The following MALT1 variants were observed in gnomAD, a reference collection of about 807,000 sequenced individuals.
The protein encoded by MALT1 is MALT1 paracaspase.
A neutral mutation model predicts 85.5 loss-of-function variants in MALT1; 36 were observed. The ratio of observed to expected loss-of-function variants is 0.42; its 90% CI spans 0.32 to 0.56. MALT1 has a LOEUF of 0.56. Ranked by LOEUF, MALT1 falls within the 20% of genes least tolerant of loss-of-function variation. MALT1 has a pLI of 0.10. For synonymous variants in MALT1, 359 were observed against 361.3 expected (o/e 0.99, Z 0.07); for missense variants, 716 against 981.6 (o/e 0.73, Z 3.62).
chr18:58,720,418 G>C (rs893300908), intron 9 of MALT1, among the ~76,000 whole-genome samples: 8 of 152,244 alleles, frequency 5.3e-5, no homozygotes, highest in African/African-American at 1.7e-4. Flanking sequence ...AAGTAGATTG[G>C]ACAGGTAAGA....
intron 8 of MALT1, 50 bp downstream of exon 8, chr18:58,714,159 A>G: frequency 1.0e-6 from 1 of 973,684 alleles, no homozygotes; most frequent in South Asian, 1.4e-5. Flanking sequence ...AAGTTGTTGA[A>G]TGCAGCAAAG....
chr18:58,742,004 C>A lies in MALT1; in HGVS notation c.1743C>A (p.Ala581=). 6.5e-7 allele frequency: 1 copy of A among 1,527,628 alleles called. No homozygotes were observed. The allele number at this position is 1,527,628 out of a possible 1,614,324, so 94.6% of individuals were successfully genotyped here. ...AESLVRNLQW[A]KAHELPESMC... is the part of the protein sequence containing the mutation. Reference sequence around the variant, plus strand: ...CTCTTGTGCGGAATCTACAGTGGGCCAAGGCTCATGGTACGGTAAAGCCCA... The same window carrying A: ...CTCTTGTGCGGAATCTACAGTGGGCAAAGGCTCATGGTACGGTAAAGCCCA... The change falls in exon 14 of 17, where the codon GCC becomes GCA. Residue 581 remains alanine (A), a synonymous_variant. Transcript: ENST00000649217.
intron 14 of MALT1, among the ~76,000 whole-genome samples, chr18:58,742,598 C>G (rs2055316353): frequency 6.6e-6 from 1 of 152,122 alleles, no homozygotes; most frequent in Admixed American, 6.5e-5. Flanking sequence ...ATCCCAACTA[C>G]TAGGGTGGCT....
intron 2 of MALT1, among the ~76,000 whole-genome samples, chr18:58,683,706 C>G (rs990004571): frequency 2.6e-5 from 4 of 152,090 alleles, no homozygotes; most frequent in Admixed American, 1.3e-4. Context: ...CATTTTTGCT[C>G]TTTGTGTTTT....
rs1448014424 is a variant in MALT1 at position 58,751,848 on chromosome 18, C to G, written c.*4006C>G. On this transcript the variant is annotated 3_prime_UTR_variant, in exon 17 of 17. Coordinates refer to ENST00000649217, the MANE Select transcript of MALT1 (RefSeq NM_006785.4). ...GTCACAATTATAAATTGTATATTTC[C>G]TAATAAAAGAAATCTCAACTCATGG... is the stretch of plus-strand genomic sequence containing the variant. 1 of 152,084 alleles carries G rather than the reference C, an allele frequency of 6.6e-6. No homozygotes were observed. The highest frequency in any genetic ancestry group is 1.9e-4 in the East Asian group (1 of 5,200). The allele number at this position is 152,084 out of a possible 1,614,324, so 9.4% of individuals were successfully genotyped here.
chr18:58,738,596 C>T (rs887011972), intron 13 of MALT1, among the ~76,000 whole-genome samples: 11 of 152,174 alleles, frequency 7.2e-5, no homozygotes, highest in Admixed American at 5.9e-4. Flanking sequence ...GCCGAGTCTA[C>T]ACTTAACCCT....
chr18:58,725,982 A>C (rs2055049565), intron 10 of MALT1, among the ~76,000 whole-genome samples: 1 of 152,156 alleles, frequency 6.6e-6, no homozygotes, highest in Non-Finnish European at 1.5e-5. Context: ...AATCACTTGA[A>C]CTTGGGAGGG....
chr18:58,746,314 C>G (rs976977364), intron 16 of MALT1, among the ~76,000 whole-genome samples: 7 of 152,202 alleles, frequency 4.6e-5, no homozygotes, highest in Non-Finnish European at 1.0e-4. Context: ...CTTCCACTCC[C>G]AGCTCCATAT....
At chr18:58,709,933 A>G (rs772417160) in intron 5 of MALT1, 43 bp from the exon 6 acceptor site, 1 of 1,245,530 alleles carries the variant, frequency 8.0e-7, no homozygotes, top group South Asian at 1.3e-5. Context: ...CCAAGCCATT[A>G]AAATAGAAGA....
At chr18:58,702,253 G>A (rs1237905726) in intron 4 of MALT1, among the ~76,000 whole-genome samples, 1 of 150,772 alleles carries the variant, frequency 6.6e-6, no homozygotes, top group Non-Finnish European at 1.5e-5. Context: ...GCCTGATGGT[G>A]CACACCTGTA....
chr18:58,715,815 C>T, intron 8 of MALT1, 120 bp from the exon 9 acceptor site: 2 of 721,802 alleles, frequency 2.8e-6, no homozygotes, highest in Non-Finnish European at 4.8e-6. Flanking sequence ...TATTAAAAAT[C>T]TGAAGAGTAG....
chr18:58,723,262 TATA>T lies in MALT1; in HGVS notation c.1222+14_1222+16del, dbSNP rs2055009069. 6.3e-7 allele frequency: 1 copy of T among 1,581,798 alleles called. No individual in the cohort carries two copies. Among genetic ancestry groups the T allele is most frequent in the African/African-American group, 1.3e-5 (1 of 74,138 alleles). ...ACAAGGGAGTATATGGTAAGATATT[TATA>T]ATGTTTGTTTTTACAATTATCCATT... On this transcript the variant is annotated intron_variant, in intron 10 of 16. Transcript: ENST00000649217.
intron 2 of MALT1, among the ~76,000 whole-genome samples, chr18:58,694,805 T>A (rs889307611): frequency 7.2e-5 from 11 of 152,258 alleles, no homozygotes; most frequent in African/African-American, 2.7e-4. Context: ...TGCAGTCATC[T>A]GAAGGTTTCC....
intron 4 of MALT1, 35 bp downstream of exon 4, chr18:58,700,626 G>C (rs533353267): frequency 6.5e-7 from 1 of 1,537,688 alleles, no homozygotes; most frequent in African/African-American, 1.4e-5. Context: ...TTGGGATGGG[G>C]ATTCCCCATA....
chr18:58,687,524 A>G (rs2054422909), intron 2 of MALT1, among the ~76,000 whole-genome samples: 1 of 152,202 alleles, frequency 6.6e-6, no homozygotes, highest in Admixed American at 6.5e-5. Flanking sequence ...TTATTTGGGC[A>G]CACTGTAGGG....
rs1450549162 is a variant in MALT1, at chr18:58,748,507, T to TAGAACAGGCTGAAATTTCTTGTTC, written c.*667_*690dup. ...AAGAGGTTTGTATATAAATCTGTTA[T>TAGAACAGGCTGAAATTTCTTGTTC]AGAACAGGCTGAAATTTCTTGTTCA... On this transcript the variant is annotated 3_prime_UTR_variant, in exon 17 of 17. Coordinates refer to ENST00000649217, the MANE Select transcript of MALT1 (RefSeq NM_006785.4). The TAGAACAGGCTGAAATTTCTTGTTC allele has an allele frequency of 1.6e-5, 3 of 185,410 alleles. No individual in the cohort carries two copies. The Admixed American group carries it at 1.9e-4, about 12-fold the overall frequency. The allele number at this position is 185,410 out of a possible 1,614,324, so 11.5% of individuals were successfully genotyped here. A position where few individuals can be genotyped will look rare whatever the true frequency, so the allele number is the denominator to read the frequency against.
intron 10 of MALT1, among the ~76,000 whole-genome samples, chr18:58,729,207 G>T (rs1192865891): frequency 1.3e-5 from 2 of 152,062 alleles, no homozygotes; most frequent in Admixed American, 6.6e-5. Context: ...TACAGTCCTG[G>T]GCCGGGCACG....
intron 2 of MALT1, among the ~76,000 whole-genome samples, chr18:58,686,288 A>C (rs1331639315): frequency 6.6e-6 from 1 of 152,164 alleles, no homozygotes; most frequent in Non-Finnish European, 1.5e-5. Flanking sequence ...CGGCCTCCCA[A>C]AGTACTGGGA....
At chr18:58,703,936 A>T (rs994176010) in intron 4 of MALT1, among the ~76,000 whole-genome samples, 2 of 152,174 alleles carry the variant, frequency 1.3e-5, no homozygotes, top group African/African-American at 4.8e-5. Flanking sequence ...ACCAGTCTAG[A>T]TATTTTATAT....
Sources: gnomAD v4.1 joint callset for allele counts (sites outside exome capture counted in the v4.1 genomes callset) on GRCh38, gnomAD v4.1.1 for gene constraint, MANE v1.5 for transcripts, NCBI Gene and HGNC (gene_info 2026-07-23, HGNC 2026-07-21) for gene names.